The following ITPK1 variants were observed in gnomAD, a reference collection of about 807,000 sequenced individuals.
ITPK1 encodes the protein inositol 1,3,4-trisphosphate 5/6-kinase.
Under a neutral mutation model 45.3 loss-of-function variants are expected in ITPK1, and 21 were observed. That is an observed-to-expected ratio of 0.46 (90% CI 0.33 to 0.67). The LOEUF is 0.67. Ranked by LOEUF, ITPK1 falls within the 30% of genes least tolerant of loss-of-function variation. ITPK1 has a pLI of 0.02. For synonymous variants in ITPK1, 258 were observed against 253.6 expected, an observed-to-expected ratio of 1.02 and a Z score of -0.16; for missense variants, 474 against 573.5, an observed-to-expected ratio of 0.83 and a Z score of 1.77.
chr14:93,038,857 T>C (rs1889433805), intron 3 of ITPK1, among the ~76,000 whole-genome samples: 1 of 152,232 alleles, frequency 6.6e-6, no homozygotes, highest in African/African-American at 2.4e-5. Context: ...AAAACCATTC[T>C]TCTGAAGACA....
intron 2 of ITPK1, among the ~76,000 whole-genome samples, chr14:93,104,221 C>T (rs1267766000): frequency 2.6e-5 from 4 of 152,312 alleles, no homozygotes; most frequent in South Asian, 4.1e-4. Flanking sequence ...CGCGGTCGCT[C>T]ACACTTGTAA....
intron 2 of ITPK1, among the ~76,000 whole-genome samples, chr14:93,098,926 C>T (rs911787500): frequency 2.6e-5 from 4 of 152,186 alleles, no homozygotes; most frequent in African/African-American, 9.6e-5. Context: ...CCTCACCTGC[C>T]CCACTCGTTT....
At chr14:93,088,499 T>C (rs1448612696) in intron 2 of ITPK1, among the ~76,000 whole-genome samples, 1 of 151,716 alleles carries the variant, frequency 6.6e-6, no homozygotes, top group Non-Finnish European at 1.5e-5. Context: ...GGGACTACAG[T>C]CGTGCGCCAC....
intron 2 of ITPK1, among the ~76,000 whole-genome samples, chr14:93,097,008 G>A (rs1429541725): frequency 2.6e-5 from 4 of 152,278 alleles, no homozygotes; most frequent in Non-Finnish European, 2.9e-5. Context: ...GGCACACAGC[G>A]GACACTTCGA....
chr14:93,025,526 G>T (rs1463842011), intron 3 of ITPK1, among the ~76,000 whole-genome samples: 1 of 152,006 alleles, frequency 6.6e-6, no homozygotes, highest in Admixed American at 6.5e-5. Context: ...GAAAGACTGA[G>T]GTGTGCATCT....
At chr14:93,043,480 T>A (rs976995276) in intron 3 of ITPK1, among the ~76,000 whole-genome samples, 1 of 152,208 alleles carries the variant, frequency 6.6e-6, no homozygotes, top group Admixed American at 6.5e-5. Context: ...TTGGGGCTAC[T>A]TCCAACAGGA....
Position 93,076,963 on chromosome 14 carries a change from C to T in ITPK1, c.96-344G>A, listed in dbSNP as rs1467164699. 6.6e-6 allele frequency among the ~76,000 whole-genome samples: 1 copy of T among 152,136 alleles called. No homozygotes were observed. The highest frequency in any genetic ancestry group is 2.4e-5 in the African/African-American group (1 of 41,418). On this transcript the variant is annotated intron_variant, in intron 2 of 10. Coordinates refer to ENST00000267615, the MANE Select transcript of ITPK1 (RefSeq NM_014216.6). The surrounding 1 kb of genome is among the most constrained non-coding windows in gnomAD (Gnocchi z 4.3). ...CTGCCACCAAGTTCACCACCATCCT[C>T]ACCACCTGCCGTCCCTGCCGAGCTC...
intron 8 of ITPK1, among the ~76,000 whole-genome samples, chr14:92,953,186 C>T (rs1888040724): frequency 6.6e-6 from 1 of 152,268 alleles, no homozygotes; most frequent in Non-Finnish European, 1.5e-5. Context: ...AGCGCCGCAA[C>T]AATTATGCAT....
At chr14:93,024,496 C>G (rs899092760) in intron 3 of ITPK1, among the ~76,000 whole-genome samples, 2 of 152,216 alleles carry the variant, frequency 1.3e-5, no homozygotes, top group African/African-American at 4.8e-5. Flanking sequence ...CTAGAGCTGA[C>G]CATGCTGTAC....
At chr14:93,081,244 G>T (rs970880924) in intron 2 of ITPK1, among the ~76,000 whole-genome samples, 1 of 151,854 alleles carries the variant, frequency 6.6e-6, no homozygotes, top group Non-Finnish European at 1.5e-5. Context: ...TGAGGCAGGA[G>T]AATTGCTTTA....
chr14:93,003,973 G>T (rs961554316), intron 4 of ITPK1, among the ~76,000 whole-genome samples: 1 of 152,246 alleles, frequency 6.6e-6, no homozygotes, highest in Non-Finnish European at 1.5e-5. Flanking sequence ...TGCCTCTTAA[G>T]TTCTAGATTA....
At chr14:93,077,098 T>TG (rs1176230689) in intron 2 of ITPK1, among the ~76,000 whole-genome samples, 28 of 152,322 alleles carry the variant, frequency 1.8e-4, no homozygotes, top group African/African-American at 6.7e-4. Context: ...CACACAGTCC[T>TG]GCCCGCTGCC....
Position 93,016,483 on chromosome 14 carries a change from G to A in ITPK1, c.246+193C>T, listed in dbSNP as rs1239419964. ...AACCATGCCCTGGTTCAGTCCCCAC[G>A]CTACACCCGAGGACACTGACGCCGC... On this transcript the variant is annotated intron_variant, in intron 4 of 10. Transcript: ENST00000267615. The surrounding 1 kb of genome is among the most constrained non-coding windows in gnomAD (Gnocchi z 5.0). Among the ~76,000 whole-genome samples the A allele has an allele frequency of 1.3e-5, 2 of 152,122 alleles. No individual in the cohort carries two copies. The highest frequency in any genetic ancestry group is 2.9e-5 in the Non-Finnish European group (2 of 67,998).
chr14:93,089,837 T>C (rs1891796621), intron 2 of ITPK1, among the ~76,000 whole-genome samples: 1 of 152,128 alleles, frequency 6.6e-6, no homozygotes, highest in Non-Finnish European at 1.5e-5. Context: ...ACAGCTGGAA[T>C]AATCCCTCAG....
intron 3 of ITPK1, among the ~76,000 whole-genome samples, chr14:93,024,662 T>C (rs545437160): frequency 3.7e-4 from 57 of 152,332 alleles, no homozygotes; most frequent in African/African-American, 1.2e-3. Context: ...GGTGCTGCAG[T>C]GAGCAAATGA....
intron 2 of ITPK1, among the ~76,000 whole-genome samples, chr14:93,098,270 C>T (rs1001018999): frequency 6.6e-6 from 1 of 152,038 alleles, no homozygotes; most frequent in African/African-American, 2.4e-5. Flanking sequence ...TCCTGGCTAA[C>T]ACAGTGAAAC....
intron 3 of ITPK1, among the ~76,000 whole-genome samples, chr14:93,030,996 G>A (rs1297499517): frequency 6.6e-6 from 1 of 152,184 alleles, no homozygotes; most frequent in Non-Finnish European, 1.5e-5. Context: ...CCCCAGCAGG[G>A]AGAGATGGCT....
chr14:93,035,116 C>T (rs912524252), intron 3 of ITPK1, among the ~76,000 whole-genome samples: 4 of 152,254 alleles, frequency 2.6e-5, no homozygotes, highest in Non-Finnish European at 5.9e-5. Context: ...CAGATGAGCT[C>T]ACCTGAGCTC....
intron 9 of ITPK1, among the ~76,000 whole-genome samples, chr14:92,947,039 C>T (rs3783923): frequency 0.53 from 80,334 of 152,028 alleles, 21,888 homozygotes; most frequent in East Asian, 0.88. Flanking sequence ...CCAGCAGCTG[C>T]GGGACATGGC....
Sources: allele counts gnomAD v4.1 joint callset (sites outside exome capture counted in the v4.1 genomes callset), GRCh38; gene constraint gnomAD v4.1.1; non-coding constraint Gnocchi (gnomAD v3.1); transcripts MANE v1.5; gene names NCBI Gene and HGNC (gene_info 2026-07-23, HGNC 2026-07-21).